Variants in BTBD9 observed in about 807,000 individuals in gnomAD.
The protein encoded by BTBD9 is BTB domain containing 9.
BTBD9 carries 49 observed loss-of-function variants against 64.3 expected under a neutral mutation model. The observed-to-expected ratio is 0.76, with a 90% CI of 0.61 to 0.97. The LOEUF (loss-of-function observed/expected upper bound fraction) is 0.97. Among genes scored for constraint, BTBD9 ranks in the 50% least tolerant of loss-of-function variants. The pLI is 0.00. For synonymous variants in BTBD9, 260 were observed against 274.7 expected, an observed-to-expected ratio of 0.95 and a Z score of 0.53; for missense variants, 598 against 762.1, an observed-to-expected ratio of 0.78 and a Z score of 2.53.
intron 9 of BTBD9, among the ~76,000 whole-genome samples, chr6:38,256,165 T>C (rs1051658833): frequency 1.6e-4 from 25 of 152,042 alleles, no homozygotes; most frequent in African/African-American, 5.8e-4. Context: ...TAGGCACTCA[T>C]GTCATTTTCA....
At chr6:38,300,673 TG>T (rs1762355627) in intron 7 of BTBD9, among the ~76,000 whole-genome samples, 1 of 152,178 alleles carries the variant, frequency 6.6e-6, no homozygotes, top group Non-Finnish European at 1.5e-5. Context: ...CTGTTACTGG[TG>T]TATAAGAATG....
At position 38,199,129 on chromosome 6, in the gene BTBD9, C is replaced by T. The variant is rs187889214; in HGVS notation, c.1563-6532G>A. On this transcript the variant is annotated intron_variant, in intron 9 of 10. Coordinates refer to ENST00000481247, the MANE Select transcript of BTBD9 (RefSeq NM_001099272.2). ...ACCTTGACAGGAGACACACATTTCC[C>T]TCTGGAGACCATGAACAGAGAAGAT... is the stretch of plus-strand genomic sequence containing the variant. 5.9e-5 allele frequency among the ~76,000 whole-genome samples: 9 copies of T among 152,280 alleles called. No homozygotes were observed. In the East Asian group the frequency reaches 7.7e-4, roughly 13 times the overall value.
chr6:38,587,301 A>G (rs951567823), intron 4 of BTBD9: 2 of 403,772 alleles, frequency 5.0e-6, no homozygotes, highest in Non-Finnish European at 9.9e-6. Flanking sequence ...GGTTGTATAG[A>G]TAGAACATCC....
chr6:38,176,954 C>T lies in BTBD9; in HGVS notation c.1642-1772G>A, dbSNP rs76754614. 1.6e-3 allele frequency among the ~76,000 whole-genome samples: 241 copies of T among 152,302 alleles called. 1 individual carries two copies. Among genetic ancestry groups the T allele is most frequent in the African/African-American group, 5.4e-3 (225 of 41,560 alleles). Reference sequence around the variant, plus strand: ...CAGTCCCGGTCCTCAACACCCCCCCCACTAAAGCTTCTCATAACCCAGCAA... The same window carrying T: ...CAGTCCCGGTCCTCAACACCCCCCCTACTAAAGCTTCTCATAACCCAGCAA... On this transcript the variant is annotated intron_variant, in intron 10 of 10. Coordinates refer to ENST00000481247, the MANE Select transcript of BTBD9 (RefSeq NM_001099272.2).
In BTBD9 at chr6:38,603,742, C is replaced by T. The variant is rs551944617; in HGVS notation, c.-27-5621G>A. Among the ~76,000 whole-genome samples, 4 of 152,280 alleles carry T rather than the reference C, an allele frequency of 2.6e-5. No homozygotes were observed. In the South Asian group the frequency reaches 8.3e-4, roughly 32 times the overall value. On this transcript the variant is annotated intron_variant, in intron 1 of 10. Transcript: ENST00000481247. ...AAGCCCTCTCTGCCAGGTGTATTTCCTGACTGAAAAGCCTTTACGGGAAAA... is the reference window on the plus strand; with the variant it reads ...AAGCCCTCTCTGCCAGGTGTATTTCTTGACTGAAAAGCCTTTACGGGAAAA...
chr6:38,598,603 T>C (rs930651531), intron 1 of BTBD9, among the ~76,000 whole-genome samples: 14 of 152,056 alleles, frequency 9.2e-5, no homozygotes, highest in African/African-American at 3.1e-4. Flanking sequence ...TACGAAACCA[T>C]CTCAAATATT....
intron 6 of BTBD9, among the ~76,000 whole-genome samples, chr6:38,485,301 G>C (rs1771344687): frequency 6.6e-6 from 1 of 152,142 alleles, no homozygotes; most frequent in Admixed American, 6.5e-5. Context: ...TATTCTTAAT[G>C]GCCTCTAAAT....
intron 6 of BTBD9, among the ~76,000 whole-genome samples, chr6:38,493,151 C>T (rs1304312593): frequency 2.6e-5 from 4 of 152,134 alleles, no homozygotes; most frequent in Admixed American, 6.5e-5. Context: ...TGGGTAAAAA[C>T]GTTCCTTTCT....
At chr6:38,358,769 CTT>C (rs35616918) in intron 6 of BTBD9, among the ~76,000 whole-genome samples, 1 of 146,134 alleles carries the variant, frequency 6.8e-6, no homozygotes, top group Non-Finnish European at 1.5e-5. Flanking sequence ...GGATTGTGAC[CTT>C]TTTTTTTTTT....
At chr6:38,390,952 C>T (rs1296359276) in intron 6 of BTBD9, among the ~76,000 whole-genome samples, 1 of 152,244 alleles carries the variant, frequency 6.6e-6, no homozygotes, top group African/African-American at 2.4e-5. Context: ...ATACCTTCCA[C>T]TCTAGAAAAG....
At chr6:38,445,695 A>T (rs1420537896) in intron 6 of BTBD9, among the ~76,000 whole-genome samples, 1 of 152,210 alleles carries the variant, frequency 6.6e-6, no homozygotes, top group East Asian at 1.9e-4. Context: ...TGAACTGAAA[A>T]AGAAAAATGT....
At chr6:38,451,396 T>C (rs778518967) in intron 6 of BTBD9, among the ~76,000 whole-genome samples, 54 of 152,184 alleles carry the variant, frequency 3.5e-4, no homozygotes, top group Non-Finnish European at 6.5e-4. Flanking sequence ...GACAAGAAGG[T>C]CTGATAAACC....
chr6:38,417,800 G>GAGAGAGAGAGAGAGAGA (rs1554149297), intron 6 of BTBD9, among the ~76,000 whole-genome samples: 9 of 142,926 alleles, frequency 6.3e-5, no homozygotes, highest in East Asian at 2.0e-4. Context: ...GAGAGAGAGA[G>GAGAGAGAGAGAGAGAGA]AAAAAAAATA....
chr6:38,437,594 T>C (rs989610795), intron 6 of BTBD9, among the ~76,000 whole-genome samples: 1 of 152,230 alleles, frequency 6.6e-6, no homozygotes, highest in Non-Finnish European at 1.5e-5. Context: ...CCTTTCCACA[T>C]GTTTTCTGAT....
chr6:38,275,066 T>G (rs1234694807), intron 8 of BTBD9, among the ~76,000 whole-genome samples: 1 of 152,050 alleles, frequency 6.6e-6, no homozygotes. Flanking sequence ...AAGAACAAAG[T>G]CGGAGGCATC....
chr6:38,480,889 T>C (rs1181272464), intron 6 of BTBD9, among the ~76,000 whole-genome samples: 1 of 152,138 alleles, frequency 6.6e-6, no homozygotes, highest in Non-Finnish European at 1.5e-5. Context: ...TAAGAGATAG[T>C]GGGTATGAAT....
At chr6:38,385,741 C>T (rs1383490700) in intron 6 of BTBD9, among the ~76,000 whole-genome samples, 1 of 150,770 alleles carries the variant, frequency 6.6e-6, no homozygotes, top group East Asian at 1.9e-4. Flanking sequence ...ATCAACATGC[C>T]TACAAAAATT....
intron 5 of BTBD9, 63 bp from the exon 6 acceptor site, chr6:38,577,782 C>CT: frequency 6.9e-7 from 1 of 1,453,806 alleles, no homozygotes; most frequent in East Asian, 2.3e-5. Context: ...CAAAGCTGTA[C>CT]TTTAATAAAG....
intron 6 of BTBD9, among the ~76,000 whole-genome samples, chr6:38,500,224 T>C (rs1281522409): frequency 6.9e-6 from 1 of 145,210 alleles, no homozygotes; most frequent in Non-Finnish European, 1.5e-5. Flanking sequence ...TTTCCACATA[T>C]TGGGGGATGG....
Sources: allele counts gnomAD v4.1 joint callset (sites outside exome capture counted in the v4.1 genomes callset), GRCh38; gene constraint gnomAD v4.1.1; transcripts MANE v1.5; gene names NCBI Gene and HGNC (gene_info 2026-07-23, HGNC 2026-07-21).